Variants in TENM3 observed in about 807,000 individuals in gnomAD.
TENM3 encodes the protein teneurin-3.
A neutral mutation model predicts 255.1 loss-of-function variants in TENM3; 63 were observed. The ratio of observed to expected loss-of-function variants is 0.25; its 90% CI spans 0.20 to 0.30. The LOEUF (loss-of-function observed/expected upper bound fraction) is 0.30, where lower values mean the gene tolerates loss of function less well. TENM3 is among the 10% of genes least tolerant of loss of function. The probability of loss-of-function intolerance (pLI) is 1.00; values close to 1 mark genes in which losing one functional copy is unlikely to be tolerated. For missense variants in TENM3, 2,929 were observed against 3,461.1 expected (o/e 0.85, Z 3.86); for synonymous variants, 1,306 against 1,322.3 (o/e 0.99, Z 0.27).
At chr4:182,100,198 A>G in the TENM3 span, among the ~76,000 whole-genome samples, 1 of 151,754 alleles carries the variant, frequency 6.6e-6, no homozygotes, top group South Asian at 2.1e-4. Context: ...GAGCGTGGTG[A>G]CATGCTTACA....
chr4:181,913,540 C>T, the TENM3 span, among the ~76,000 whole-genome samples: 1 of 152,062 alleles, frequency 6.6e-6, no homozygotes, highest in African/African-American at 2.4e-5. Context: ...TAAGCTAATT[C>T]CAAATGGCTA....
chr4:181,757,421 G>A, the TENM3 span, among the ~76,000 whole-genome samples: 1 of 152,150 alleles, frequency 6.6e-6, no homozygotes, highest in Non-Finnish European at 1.5e-5. Context: ...GTTTTGGAGA[G>A]TCCAAAAGGG....
At chr4:181,705,170 A>C in the TENM3 span, among the ~76,000 whole-genome samples, 4 of 152,218 alleles carry the variant, frequency 2.6e-5, no homozygotes, top group Non-Finnish European at 5.9e-5. Flanking sequence ...CATTTATTCC[A>C]ATTATTACAA....
At chr4:181,475,599 C>CT in the TENM3 span, among the ~76,000 whole-genome samples, 1 of 152,122 alleles carries the variant, frequency 6.6e-6, no homozygotes, top group Non-Finnish European at 1.5e-5. Flanking sequence ...AAAAATAATC[C>CT]TTTTTGTGCC....
the TENM3 span, among the ~76,000 whole-genome samples, chr4:181,825,768 T>C: frequency 1.3e-5 from 2 of 152,196 alleles, no homozygotes; most frequent in Non-Finnish European, 2.9e-5. Context: ...GTGGTGAACA[T>C]ATGCCTTAGA....
chr4:182,680,989 T>A (rs1418779382), intron 10 of TENM3, among the ~76,000 whole-genome samples: 1 of 152,192 alleles, frequency 6.6e-6, no homozygotes, highest in Non-Finnish European at 1.5e-5. Flanking sequence ...CAAGCAAACC[T>A]TTATGCCTTG....
the TENM3 span, among the ~76,000 whole-genome samples, chr4:181,670,452 A>G: frequency 1.3e-5 from 2 of 152,154 alleles, no homozygotes; most frequent in African/African-American, 2.4e-5. Context: ...GCATCTTGTC[A>G]TCACTTAAAA....
chr4:181,641,541 C>T, the TENM3 span, among the ~76,000 whole-genome samples: 1 of 41,590 alleles, frequency 2.4e-5, no homozygotes, highest in Non-Finnish European at 4.3e-5. Flanking sequence ...GCATAGTATT[C>T]CATGGTGTGT....
chr4:182,443,575 C>T (rs545649109), intron 3 of TENM3, among the ~76,000 whole-genome samples: 1 of 152,284 alleles, frequency 6.6e-6, no homozygotes, highest in South Asian at 2.1e-4. Flanking sequence ...TGCCTCTCTC[C>T]TGCTCTCACC....
At chr4:182,347,654 A>G (rs987180428) in intron 3 of TENM3, among the ~76,000 whole-genome samples, 2 of 152,126 alleles carry the variant, frequency 1.3e-5, no homozygotes, top group Admixed American at 6.5e-5. Flanking sequence ...CCTATTGCCA[A>G]TGCGGGATGA....
intron 18 of TENM3, 40 bp downstream of exon 18, chr4:182,738,584 T>C (rs1761350880): frequency 6.7e-7 from 1 of 1,501,148 alleles, no homozygotes; most frequent in Non-Finnish European, 9.0e-7. Context: ...TGTAATGTAT[T>C]GTTCAGAGAT....
At chr4:182,121,233 A>G in the TENM3 span, among the ~76,000 whole-genome samples, 1 of 151,958 alleles carries the variant, frequency 6.6e-6, no homozygotes, top group South Asian at 2.1e-4. Flanking sequence ...ACTGACCTCA[A>G]GTGATCCGCC....
chr4:182,569,570 A>G (rs1014355563), intron 3 of TENM3, among the ~76,000 whole-genome samples: 1 of 152,064 alleles, frequency 6.6e-6, no homozygotes, highest in African/African-American at 2.4e-5. Context: ...AGAAAAAAAA[A>G]AAAAGAAAGA....
chr4:181,958,259 C>T, the TENM3 span, among the ~76,000 whole-genome samples: 1 of 152,108 alleles, frequency 6.6e-6, no homozygotes, highest in Admixed American at 6.6e-5. Flanking sequence ...TGATTAAGTA[C>T]CTCTGCAGAG....
chr4:181,660,689 T>C, the TENM3 span, among the ~76,000 whole-genome samples: 17 of 152,154 alleles, frequency 1.1e-4, no homozygotes, highest in Non-Finnish European at 1.9e-4. Context: ...GCTTATCTAT[T>C]TTGTCACATG....
At chr4:182,611,101 C>G (rs1244248042) in intron 4 of TENM3, among the ~76,000 whole-genome samples, 1 of 151,982 alleles carries the variant, frequency 6.6e-6, no homozygotes, top group Non-Finnish European at 1.5e-5. Flanking sequence ...GGTCACATGA[C>G]TAGTTAGTGG....
intron 1 of TENM3, among the ~76,000 whole-genome samples, chr4:182,260,156 G>A (rs1325704365): frequency 2.6e-5 from 4 of 152,130 alleles, no homozygotes; most frequent in African/African-American, 4.8e-5. Context: ...CACTTAGGGC[G>A]ATTTCATATC....
At chr4:182,673,887 A>C (rs548240952) in intron 7 of TENM3, among the ~76,000 whole-genome samples, 1 of 152,344 alleles carries the variant, frequency 6.6e-6, no homozygotes, top group South Asian at 2.1e-4. Flanking sequence ...TCACAGATGG[A>C]GAACTGCTGG....
At chr4:182,047,468 A>G in the TENM3 span, among the ~76,000 whole-genome samples, 13 of 142,852 alleles carry the variant, frequency 9.1e-5, no homozygotes, top group Admixed American at 3.1e-4. Flanking sequence ...AGGCTGAGGC[A>G]GGGAAATCAC....
Sources: gnomAD v4.1 joint callset for allele counts (sites outside exome capture counted in the v4.1 genomes callset) on GRCh38, gnomAD v4.1.1 for gene constraint, MANE v1.5 for transcripts, NCBI Gene and HGNC (gene_info 2026-07-23, HGNC 2026-07-21) for gene names.